TBC1D14: variants seen among roughly 807,000 people sequenced by gnomAD.
TBC1D14 encodes the protein TBC1 domain family member 14, also known as TBC1 domain family, member 14.
Under a neutral mutation model 79.0 loss-of-function variants are expected in TBC1D14, and 26 were observed. The observed-to-expected ratio is 0.33, with a 90% CI of 0.24 to 0.46. The LOEUF is 0.46. Among genes scored for constraint, TBC1D14 ranks in the 20% least tolerant of loss-of-function variants. TBC1D14 has a pLI of 1.00. For missense variants in TBC1D14, 769 were observed against 887.6 expected (o/e 0.87, Z 1.70); for synonymous variants, 394 against 349.9 (o/e 1.13, Z -1.40).
chr4:7,018,592 G>A (rs961879034), intron 12 of TBC1D14, among the ~76,000 whole-genome samples: 2 of 152,164 alleles, frequency 1.3e-5, no homozygotes, highest in Non-Finnish European at 2.9e-5. Context: ...CACCTTCCTC[G>A]GTCCCTTTTC....
In TBC1D14 at chr4:6,923,513, T is replaced by C. The variant is rs770789355; in HGVS notation, c.124T>C (p.Ser42Pro). 9 of 1,614,128 alleles carry C rather than the reference T, an allele frequency of 5.6e-6. No individual in the cohort carries two copies. The Admixed American group carries it at 1.5e-4, about 27-fold the overall frequency. The change falls in exon 2 of 14, where the codon TCC (serine) becomes CCC (proline). Residue 42 changes from serine to proline, a missense_variant. By Grantham distance (74) the Ser-to-Pro change is moderately conservative (BLOSUM62 -1). Transcript: ENST00000409757. ...CAATCTCAAGGCGCCCCGACTCCTC[T>C]CCGCGCCTGAGTACGGGCCCAAGCT... ...HVNLKAPRLL[S>P]APEYGPKLKL...
At position 6,973,969 on chromosome 4, in the gene TBC1D14, G is replaced by A. The variant is rs575014294; in HGVS notation, c.843+6545G>A. Among the ~76,000 whole-genome samples, 11 of 152,042 alleles carry A rather than the reference G, an allele frequency of 7.2e-5. No homozygotes were observed. In the South Asian group the frequency reaches 1.5e-3, roughly 20 times the overall value. On this transcript the variant is annotated intron_variant, in intron 3 of 13. Transcript: ENST00000409757. ...CTCCTGAGTAGCTGGGACTACAGGC[G>A]TGCACCACCACCCCCGGCTCATTTT...
chr4:6,909,694 C>T (rs928275481), upstream of TBC1D14, among the ~76,000 whole-genome samples: 17 of 151,104 alleles, frequency 1.1e-4, no homozygotes, highest in African/African-American at 3.9e-4. Context: ...GACGCGGCGG[C>T]ACGGGCGGAA....
intron 13 of TBC1D14, 54 bp from the exon 14 acceptor site, chr4:7,030,273 C>T: frequency 6.3e-7 from 1 of 1,575,206 alleles, no homozygotes; most frequent in Non-Finnish European, 8.7e-7. Flanking sequence ...TCGCTGCTGT[C>T]AGGATCTGTG....
intron 2 of TBC1D14, among the ~76,000 whole-genome samples, chr4:6,962,905 A>G (rs1466447147): frequency 6.6e-6 from 1 of 152,088 alleles, no homozygotes; most frequent in East Asian, 1.9e-4. Flanking sequence ...GCACACACAC[A>G]CACACGGTGG....
intron 9 of TBC1D14, chr4:7,007,500 T>A: frequency 7.8e-7 from 1 of 1,281,902 alleles, no homozygotes; most frequent in Non-Finnish European, 1.0e-6. Context: ...CTGTCCCTTG[T>A]CTGTTCTCAC....
At chr4:6,994,596 C>T (rs190076811) in intron 4 of TBC1D14, among the ~76,000 whole-genome samples, 3 of 152,270 alleles carry the variant, frequency 2.0e-5, no homozygotes, top group East Asian at 1.9e-4. Context: ...CGCCTGTAAT[C>T]CCTGCACTTT....
At chr4:6,974,662 TG>T in intron 3 of TBC1D14, among the ~76,000 whole-genome samples, 1 of 152,224 alleles carries the variant, frequency 6.6e-6, no homozygotes. Context: ...GAAGGCTGGC[TG>T]GAACTTGTGT....
intron 3 of TBC1D14, among the ~76,000 whole-genome samples, chr4:6,979,315 G>GA (rs1717141390): frequency 6.6e-6 from 1 of 152,182 alleles, no homozygotes; most frequent in South Asian, 2.1e-4. Flanking sequence ...ACTCAGTTCT[G>GA]ACAGATTGTC....
chr4:6,921,027 G>A (rs1383665255), intron 1 of TBC1D14, among the ~76,000 whole-genome samples: 1 of 152,174 alleles, frequency 6.6e-6, no homozygotes, highest in East Asian at 1.9e-4. Flanking sequence ...TGATCCACCT[G>A]CTTCGGCCTC....
At position 6,999,112 on chromosome 4, in the gene TBC1D14, A is replaced by AGCAGCTGGAAGAAAGAT; in HGVS notation, c.1078_1094dup (p.Arg365SerfsTer48). 1 of 1,614,224 alleles carries AGCAGCTGGAAGAAAGAT rather than the reference A, an allele frequency of 6.2e-7. No homozygotes were observed. The highest frequency in any genetic ancestry group is 8.5e-7 in the Non-Finnish European group (1 of 1,180,018). ...CTGAAAGAAGCCCAGCGAAGGAAGAAGCAGCTGGAAGAAAGATGCAGAGTC... is the reference window on the plus strand; with the variant it reads ...CTGAAAGAAGCCCAGCGAAGGAAGAAGCAGCTGGAAGAAAGATGCAGCTGGAAGAAAGATGCAGAGTC... On this transcript the variant is annotated frameshift_variant, in exon 6 of 14. Coordinates refer to ENST00000409757, the MANE Select transcript of TBC1D14 (RefSeq NM_020773.3). LOFTEE classifies it high-confidence loss of function.
At chr4:6,994,050 G>C (rs1485236458) in intron 3 of TBC1D14, 134 bp from the exon 4 acceptor site, 8 of 718,972 alleles carry the variant, frequency 1.1e-5, no homozygotes, top group Non-Finnish European at 1.4e-5. Context: ...ATTCTGAATA[G>C]CAGGAAAGGT....
At chr4:6,916,151 G>C (rs1723380408) in intron 1 of TBC1D14, among the ~76,000 whole-genome samples, 1 of 146,632 alleles carries the variant, frequency 6.8e-6, no homozygotes, top group South Asian at 2.1e-4. Flanking sequence ...AAAGGGATAA[G>C]AATCCGGAAG....
chr4:6,961,268 C>A (rs1715166422), intron 2 of TBC1D14, among the ~76,000 whole-genome samples: 1 of 152,138 alleles, frequency 6.6e-6, no homozygotes, highest in African/African-American at 2.4e-5. Flanking sequence ...CAGCGTGTTT[C>A]CCAGGCTCTG....
intron 2 of TBC1D14, among the ~76,000 whole-genome samples, chr4:6,950,835 C>T (rs528194726): frequency 6.6e-6 from 1 of 152,122 alleles, no homozygotes; most frequent in Non-Finnish European, 1.5e-5. Context: ...ACTTTACTGT[C>T]TATATTTATA....
intron 2 of TBC1D14, among the ~76,000 whole-genome samples, chr4:6,935,336 C>T (rs1032616056): frequency 3.3e-5 from 5 of 151,872 alleles, no homozygotes; most frequent in Non-Finnish European, 5.9e-5. Flanking sequence ...TGAACATATC[C>T]GGGAGAAGAG....
intron 12 of TBC1D14, among the ~76,000 whole-genome samples, 155 bp from the exon 13 acceptor site, chr4:7,024,849 T>A (rs1436871099): frequency 6.6e-6 from 1 of 152,194 alleles, no homozygotes; most frequent in Non-Finnish European, 1.5e-5. Flanking sequence ...GATGTTAGAA[T>A]TACCCTTCAG....
At chr4:6,941,923 C>T (rs1219723802) in intron 2 of TBC1D14, among the ~76,000 whole-genome samples, 1 of 152,166 alleles carries the variant, frequency 6.6e-6, no homozygotes, top group East Asian at 1.9e-4. Flanking sequence ...TTAGGTTCAG[C>T]CTGGGAGGTG....
intron 3 of TBC1D14, among the ~76,000 whole-genome samples, chr4:6,992,495 C>G (rs773288318): frequency 6.6e-6 from 1 of 152,212 alleles, no homozygotes; most frequent in Non-Finnish European, 1.5e-5. Flanking sequence ...AGTCCACATG[C>G]ACAGAGCACA....
Sources: gnomAD v4.1 joint callset for allele counts (sites outside exome capture counted in the v4.1 genomes callset) on GRCh38, gnomAD v4.1.1 for gene constraint, MANE v1.5 for transcripts, NCBI Gene and HGNC (gene_info 2026-07-23, HGNC 2026-07-21) for gene names.